The following SAFB2 variants were observed in gnomAD, a reference collection of about 807,000 sequenced individuals.
SAFB2 encodes scaffold attachment factor B2.
SAFB2 carries 32 observed loss-of-function variants against 100.6 expected under a neutral mutation model. The ratio of observed to expected loss-of-function variants is 0.32; its 90% confidence interval spans 0.24 to 0.43. SAFB2 has a LOEUF of 0.43. SAFB2 is among the 20% of genes least tolerant of loss of function. The probability of loss-of-function intolerance (pLI) is 1.00; values close to 1 mark genes in which losing one functional copy is unlikely to be tolerated. For synonymous variants in SAFB2, 500 were observed against 439.4 expected (o/e 1.14, Z -1.72); for missense variants, 1,185 against 1,163.4 (o/e 1.02, Z -0.27).
chr19:5,592,183 T>C (rs1247379651), intron 16 of SAFB2, among the ~76,000 whole-genome samples: 2 of 152,138 alleles, frequency 1.3e-5, no homozygotes, highest in Non-Finnish European at 2.9e-5. Flanking sequence ...CCCTTTCCTG[T>C]TCTCCCCGCT....
chr19:5,602,905 A>ACCCC (rs1157478969), intron 11 of SAFB2, among the ~76,000 whole-genome samples: 10 of 140,052 alleles, frequency 7.1e-5, no homozygotes, highest in African/African-American at 1.6e-4. Flanking sequence ...TAGAGGGCTC[A>ACCCC]CCGCCCCCCC....
rs1337250551 is a variant in SAFB2 at position 5,610,745 on chromosome 19, A to G, written c.1146-57T>C. ...GAAAAAAACGAAAGAGAACAAAACT[A>G]AAAATATGATTATGTGCTAAAACTG... On this transcript the variant is annotated intron_variant, in intron 7 of 20. Coordinates refer to ENST00000252542, the MANE Select transcript of SAFB2 (RefSeq NM_014649.3). The G allele has an allele frequency of 6.5e-6, 8 of 1,235,022 alleles. No homozygotes were observed. The Admixed American group carries it at 1.6e-4, about 25-fold the overall frequency. The allele number at this position is 1,235,022 out of a possible 1,614,324, so 76.5% of individuals were successfully genotyped here.
chr19:5,600,643 T>G (rs1372708444), intron 11 of SAFB2, among the ~76,000 whole-genome samples: 1 of 152,208 alleles, frequency 6.6e-6, no homozygotes, highest in Non-Finnish European at 1.5e-5. Flanking sequence ...ATAAGCTTTA[T>G]AGGGAAAAGC....
At chr19:5,611,958 G>C in intron 6 of SAFB2, 1 of 454,956 alleles carries the variant, frequency 2.2e-6, no homozygotes, top group Admixed American at 3.5e-5. Flanking sequence ...CCAAGGTGCT[G>C]AACCGAATGC....
intron 15 of SAFB2, 42 bp downstream of exon 15, chr19:5,593,849 C>A: frequency 1.4e-6 from 2 of 1,415,620 alleles, no homozygotes; most frequent in East Asian, 2.8e-5. Context: ...ACACCGCTGC[C>A]ACGCTGGTCT....
intron 5 of SAFB2, 58 bp downstream of exon 5, chr19:5,613,407 T>C (rs1392547161): frequency 1.4e-6 from 2 of 1,448,120 alleles, no homozygotes; most frequent in African/African-American, 1.4e-5. Flanking sequence ...TCTTTCATTA[T>C]GGAAAATCAA....
chr19:5,597,523 A>G (rs1010253156), intron 13 of SAFB2, among the ~76,000 whole-genome samples: 2 of 152,258 alleles, frequency 1.3e-5, no homozygotes, highest in African/African-American at 4.8e-5. Context: ...TATTACACAG[A>G]AAGTGCAAGC....
intron 18 of SAFB2, chr19:5,589,036 GAC>G (rs2052329136): frequency 6.6e-6 from 1 of 152,278 alleles, no homozygotes; most frequent in African/African-American, 2.4e-5. Context: ...CGGATGCAGT[GAC>G]AGTCAGGCCA....
At chr19:5,593,374 A>C (rs757411197) in intron 15 of SAFB2, among the ~76,000 whole-genome samples, 6 of 152,230 alleles carry the variant, frequency 3.9e-5, no homozygotes, top group Non-Finnish European at 8.8e-5. Context: ...TTACCAGAAA[A>C]CTAGGCTCAC....
chr19:5,604,484 G>A lies in SAFB2; in HGVS notation c.1559+99C>T, dbSNP rs187622871. 146 of 772,066 alleles carry A rather than the reference G, an allele frequency of 1.9e-4. No homozygotes were observed. The Admixed American group carries it at 3.8e-3, about 20-fold the overall frequency. 47.8% of individuals were successfully genotyped at this position (772,066 alleles called of 1,614,324 possible). On this transcript the variant is annotated intron_variant, in intron 11 of 20. Coordinates refer to ENST00000252542, the MANE Select transcript of SAFB2 (RefSeq NM_014649.3). ...AGCAGGAAGCTGGCAAGGCTGCGTG[G>A]GTACAGGTGGGGACAGATGCGTGTT...
chr19:5,595,349 A>G lies in SAFB2; in HGVS notation c.1919+12T>C, dbSNP rs772018070. On this transcript the variant is annotated intron_variant, in intron 14 of 20. Coordinates refer to ENST00000252542, the MANE Select transcript of SAFB2 (RefSeq NM_014649.3). ...AAACCACCAGCCCACAGCCTCACCC[A>G]GCTCCACTCACCGCCGCCTCTCCGT... 6.2e-6 allele frequency: 10 copies of G among 1,606,210 alleles called. No homozygotes were observed. The African/African-American group carries it at 1.3e-4, about 22-fold the overall frequency.
At chr19:5,614,756 C>T (rs1356435378) in intron 4 of SAFB2, among the ~76,000 whole-genome samples, 3 of 152,216 alleles carry the variant, frequency 2.0e-5, no homozygotes, top group South Asian at 2.1e-4. Context: ...GAGAGCTCTA[C>T]GCCAAAACAC....
intron 1 of SAFB2, 99 bp downstream of exon 1, chr19:5,622,431 C>A (rs551178913): frequency 1.6e-6 from 2 of 1,283,398 alleles, no homozygotes; most frequent in Non-Finnish European, 2.0e-6. Flanking sequence ...AGACGCGGGG[C>A]GAACCCAGGG....
Position 5,589,944 on chromosome 19 carries a change from G to A in SAFB2, c.2525+334C>T, listed in dbSNP as rs529330114. 1.2e-4 allele frequency among the ~76,000 whole-genome samples: 18 copies of A among 152,308 alleles called. No homozygotes were observed. In the South Asian group the frequency reaches 2.7e-3, roughly 23 times the overall value. On this transcript the variant is annotated intron_variant, in intron 18 of 20. Transcript: ENST00000252542. ...GGCAGGGGCGAGGCTGCTCTACCAC[G>A]GACGGGGCAGGACTAAGAGCTTCAG...
In SAFB2 at chr19:5,590,733, C is replaced by T. The variant is rs113091020; in HGVS notation, c.2395-325G>A. On this transcript the variant is annotated intron_variant, in intron 17 of 20. Transcript: ENST00000252542. ...CTGTCTTCCCTGAGAAGTTGGGCGCCGCCTCCTTTCCGATAACAGGAGGGC... is the reference window on the plus strand; with the variant it reads ...CTGTCTTCCCTGAGAAGTTGGGCGCTGCCTCCTTTCCGATAACAGGAGGGC... Among the ~76,000 whole-genome samples, 293 of 152,308 alleles carry T rather than the reference C, an allele frequency of 1.9e-3. 1 individual carries two copies. Among genetic ancestry groups the T allele is most frequent in the Middle Eastern group, 0.014 (4 of 294 alleles).
intron 4 of SAFB2, among the ~76,000 whole-genome samples, chr19:5,614,893 T>C (rs1056248940): frequency 1.4e-4 from 22 of 152,212 alleles, no homozygotes; most frequent in African/African-American, 5.1e-4. Flanking sequence ...CATCTTTTAA[T>C]GTAACTGCTT....
intron 2 of SAFB2, among the ~76,000 whole-genome samples, chr19:5,620,564 C>A (rs1342119579): frequency 6.6e-6 from 1 of 152,240 alleles, no homozygotes; most frequent in Non-Finnish European, 1.5e-5. Flanking sequence ...TACGTGAAAG[C>A]TGATGCAAAT....
Position 5,587,749 on chromosome 19 carries a change from G to A in SAFB2, c.2657C>T (p.Ser886Phe). 3 of 1,552,630 alleles carry A rather than the reference G, an allele frequency of 1.9e-6. No individual in the cohort carries two copies. The highest frequency in any genetic ancestry group is 2.4e-5 in the South Asian group (2 of 84,148). Residue 886 changes from serine to phenylalanine, a missense_variant, in exon 20 of 21, where the codon TCT becomes TTT. Around this residue, in one of 3 missense-constraint regions of SAFB2, gnomAD observed 740 missense variants for 687.1 expected, o/e 1.08. Coordinates refer to ENST00000252542, the MANE Select transcript of SAFB2 (RefSeq NM_014649.3). The surrounding 1 kb of genome is among the most constrained non-coding windows in gnomAD (Gnocchi z 4.9). ...CATGTGCCCCGGCCCCGAGGGCCCA[G>A]ACAGGCCCCTCTCGCCACCTAGAAG... The part of the protein sequence containing the change: ...ARWQGGERGL[S>F]GPSGPGHMAS...
At chr19:5,598,419 G>C in intron 13 of SAFB2, 1 of 254,720 alleles carries the variant, frequency 3.9e-6, no homozygotes, top group Middle Eastern at 1.5e-3. Flanking sequence ...AATTTAATAG[G>C]AGACTAAAAA....
Sources: allele counts gnomAD v4.1 joint callset (sites outside exome capture counted in the v4.1 genomes callset), GRCh38; gene constraint gnomAD v4.1.1; regional missense constraint gnomAD v4.1.1; non-coding constraint Gnocchi (gnomAD v3.1); transcripts MANE v1.5; gene names NCBI Gene and HGNC (gene_info 2026-07-23, HGNC 2026-07-21).